The following MSI2 variants were observed in gnomAD, a reference collection of about 807,000 sequenced individuals.
MSI2 encodes the protein RNA-binding protein Musashi homolog 2.
MSI2 carries 17 observed loss-of-function variants against 45.6 expected under a neutral mutation model. The observed-to-expected ratio is 0.37, with a 90% CI of 0.26 to 0.56. The LOEUF is 0.56. Ranked by LOEUF, MSI2 falls within the 20% of genes least tolerant of loss-of-function variation. The pLI is 0.77. For synonymous variants in MSI2, 156 were observed against 158.2 expected, an observed-to-expected ratio of 0.99 and a Z score of 0.11; for missense variants, 293 against 444.2, an observed-to-expected ratio of 0.66 and a Z score of 3.06.
intron 6 of MSI2, among the ~76,000 whole-genome samples, chr17:57,505,193 G>A: frequency 6.6e-6 from 1 of 152,180 alleles, no homozygotes; most frequent in African/African-American, 2.4e-5. Flanking sequence ...TGAGCCTGCT[G>A]CTCTGGGGAC....
intron 5 of MSI2, among the ~76,000 whole-genome samples, chr17:57,394,015 A>G (rs1267181524): frequency 6.6e-6 from 1 of 152,160 alleles, no homozygotes; most frequent in Non-Finnish European, 1.5e-5. Context: ...TGTGGAGTTG[A>G]CAGACAACGC....
intron 7 of MSI2, among the ~76,000 whole-genome samples, chr17:57,584,583 C>T (rs1007450590): frequency 6.6e-6 from 1 of 152,294 alleles, no homozygotes; most frequent in East Asian, 1.9e-4. Flanking sequence ...TGTGGCAGCG[C>T]TGAAAACCTG....
At chr17:57,341,027 G>A (rs1425799169) in intron 5 of MSI2, among the ~76,000 whole-genome samples, 1 of 152,218 alleles carries the variant, frequency 6.6e-6, no homozygotes, top group Non-Finnish European at 1.5e-5. Context: ...GCAGGTCCAT[G>A]TAGACAAATT....
intron 4 of MSI2, among the ~76,000 whole-genome samples, chr17:57,258,697 C>G (rs1907042366): frequency 6.6e-6 from 1 of 152,200 alleles, no homozygotes; most frequent in Admixed American, 6.5e-5. Context: ...GCACGCGTTA[C>G]CAACTGTGGC....
chr17:57,352,334 T>C (rs1444318942), intron 5 of MSI2, among the ~76,000 whole-genome samples: 1 of 152,248 alleles, frequency 6.6e-6, no homozygotes, highest in East Asian at 1.9e-4. Context: ...GTGGCCGCCC[T>C]TCCTATTTAT....
rs1444200544 is a variant in MSI2 at position 57,633,482 on chromosome 17, C to T, written c.727+6179C>T. Among the ~76,000 whole-genome samples, 5 of 152,256 alleles carry T rather than the reference C, an allele frequency of 3.3e-5. No individual in the cohort carries two copies. In the East Asian group the frequency reaches 5.8e-4, roughly 18 times the overall value. On this transcript the variant is annotated intron_variant, in intron 10 of 13. Transcript: ENST00000284073. ...TCTCAAGTGAAAATGCCACACACATCTGGAGCCCCTCACATCTGTGCACTA... is the reference window on the plus strand; with the variant it reads ...TCTCAAGTGAAAATGCCACACACATTTGGAGCCCCTCACATCTGTGCACTA...
intron 5 of MSI2, among the ~76,000 whole-genome samples, chr17:57,281,147 G>T (rs1909382703): frequency 6.6e-6 from 1 of 152,014 alleles, no homozygotes; most frequent in Admixed American, 6.6e-5. Context: ...TTTGATGTTT[G>T]CTAGTCTGTG....
intron 10 of MSI2, chr17:57,632,215 G>A: frequency 9.0e-7 from 1 of 1,113,550 alleles, no homozygotes; most frequent in Non-Finnish European, 1.1e-6. Flanking sequence ...CATATCATGG[G>A]GTGAGCTTTG....
At chr17:57,381,612 G>A (rs916435715) in intron 5 of MSI2, among the ~76,000 whole-genome samples, 4 of 152,222 alleles carry the variant, frequency 2.6e-5, no homozygotes, top group Admixed American at 2.6e-4. Flanking sequence ...AGAACTTTCT[G>A]TGATGGAGGA....
intron 6 of MSI2, among the ~76,000 whole-genome samples, chr17:57,455,886 T>C (rs116781325): frequency 6.6e-6 from 1 of 152,340 alleles, no homozygotes; most frequent in African/African-American, 2.4e-5. Context: ...CCATCCCAGC[T>C]GGTGCCCGCG....
chr17:57,659,049 T>C (rs185308458), intron 11 of MSI2, among the ~76,000 whole-genome samples: 1 of 149,966 alleles, frequency 6.7e-6, no homozygotes, highest in Non-Finnish European at 1.5e-5. Flanking sequence ...CAGAGGTTTT[T>C]TTTTTATTTG....
At chr17:57,686,409 G>A (rs1457336261), downstream of MSI2, among the ~76,000 whole-genome samples, 1 of 152,206 alleles carries the variant, frequency 6.6e-6, no homozygotes, top group Non-Finnish European at 1.5e-5. Context: ...TAGGATAGAA[G>A]GAGTGAGATC....
At chr17:57,520,696 C>T (rs2086565180) in intron 6 of MSI2, among the ~76,000 whole-genome samples, 3 of 152,268 alleles carry the variant, frequency 2.0e-5, no homozygotes, top group South Asian at 2.1e-4. Context: ...CTCTGTCGCC[C>T]AGGCTGGAGT....
Position 57,436,186 on chromosome 17 carries a change from G to A in MSI2, c.405+34715G>A, listed in dbSNP as rs551716563. Among the ~76,000 whole-genome samples, 5 of 152,286 alleles carry A rather than the reference G, an allele frequency of 3.3e-5. No individual in the cohort carries two copies. In the South Asian group the frequency reaches 8.3e-4, roughly 25 times the overall value. On this transcript the variant is annotated intron_variant, in intron 6 of 13. Coordinates refer to ENST00000284073, the MANE Select transcript of MSI2 (RefSeq NM_138962.4). ...GATGAACCTGGGGATGAATACAGGC[G>A]TGGCCGTGGGCAAGCGACTTGACCT... is the stretch of plus-strand genomic sequence containing the variant.
intron 9 of MSI2, among the ~76,000 whole-genome samples, chr17:57,617,263 A>G (rs1907807050): frequency 2.0e-5 from 3 of 152,246 alleles, no homozygotes; most frequent in African/African-American, 7.2e-5. Flanking sequence ...CAGAGTTTCA[A>G]AGAGAAATCC....
At chr17:57,583,491 T>TTTTTTTTTC (rs1555627600) in intron 7 of MSI2, among the ~76,000 whole-genome samples, 24 of 140,544 alleles carry the variant, frequency 1.7e-4, no homozygotes, top group South Asian at 2.2e-4. Context: ...AATGTTTCTT[T>TTTTTTTTTC]TTTTTTTTTT....
At chr17:57,400,268 A>G (rs2083966055) in intron 5 of MSI2, among the ~76,000 whole-genome samples, 1 of 150,478 alleles carries the variant, frequency 6.6e-6, no homozygotes, top group Non-Finnish European at 1.5e-5. Flanking sequence ...TTATTGTGAC[A>G]GTAAAACTAA....
chr17:57,514,372 C>T (rs1033099002), intron 6 of MSI2, among the ~76,000 whole-genome samples: 5 of 152,152 alleles, frequency 3.3e-5, no homozygotes, highest in South Asian at 4.1e-4. Flanking sequence ...AGGGGTGGAC[C>T]AGTGGGGTAC....
chr17:57,651,119 C>T (rs1911113534), intron 10 of MSI2, among the ~76,000 whole-genome samples: 1 of 152,158 alleles, frequency 6.6e-6, no homozygotes, highest in Admixed American at 6.5e-5. Context: ...GCTGTGCGTG[C>T]ACGTGCTGGT....
Sources: gnomAD v4.1 joint callset for allele counts (sites outside exome capture counted in the v4.1 genomes callset) on GRCh38, gnomAD v4.1.1 for gene constraint, MANE v1.5 for transcripts, NCBI Gene and HGNC (gene_info 2026-07-23, HGNC 2026-07-21) for gene names.